PENK: variants seen among roughly 807,000 people sequenced by gnomAD.
The protein encoded by PENK is proenkephalin, also known as proenkephalin-A.
A neutral mutation model predicts 24.1 loss-of-function variants in PENK; 25 were observed. That is an observed-to-expected ratio of 1.04 (90% CI 0.76 to 1.45). The LOEUF is 1.45. Ranked by LOEUF, PENK falls within the 40% of genes most tolerant of loss-of-function variation. The probability of loss-of-function intolerance (pLI) is 0.00; values close to 1 mark genes in which losing one functional copy is unlikely to be tolerated. For missense variants in PENK, 353 were observed against 337.9 expected, an observed-to-expected ratio of 1.04 and a Z score of -0.35; for synonymous variants, 135 against 130.3, an observed-to-expected ratio of 1.04 and a Z score of -0.24.
intron 3 of PENK, among the ~76,000 whole-genome samples, chr8:56,444,614 G>A (rs1804619813): frequency 6.6e-6 from 1 of 152,210 alleles, no homozygotes; most frequent in Non-Finnish European, 1.5e-5. Flanking sequence ...TCCTATTGAA[G>A]ATGAAACATT....
intron 3 of PENK, chr8:56,445,271 G>C: frequency 5.2e-6 from 1 of 193,642 alleles, no homozygotes; most frequent in Non-Finnish European, 1.0e-5. Context: ...CCATCCCTTT[G>C]CTCTCTCCTA....
rs1420101856 is a variant in PENK, at chr8:56,445,930, G to A, written c.24C>T (p.Cys8=). The A allele has an allele frequency of 1.2e-6, 2 of 1,611,686 alleles. No individual in the cohort carries two copies. MARFLTL[C]TWLLLLGPGL... is the part of the protein sequence containing the mutation. ...CGGGGCCGAGCAACAGCAGCCAAGT[G>A]CAAAGTGTCAGGAACCGCGCCATGG... Residue 8 remains cysteine (C), a synonymous_variant, in exon 3 of 4, where the codon TGC becomes TGT. Transcript: ENST00000451791.
In PENK at chr8:56,441,269, A is replaced by G. The variant is rs1260457779; in HGVS notation, c.*3T>C. On this transcript the variant is annotated 3_prime_UTR_variant, in exon 4 of 4. Coordinates refer to ENST00000451791, the MANE Select transcript of PENK (RefSeq NM_001135690.3). The stretch of plus-strand genomic sequence containing the variant: ...GGCCTGGGGCCACTAGTGGGAAAAG[A>G]TATTAAAATCTCATAAATCCTCCGT... 2.7e-6 allele frequency: 4 copies of G among 1,488,016 alleles called. No individual in the cohort carries two copies. In the African/African-American group the frequency reaches 4.6e-5, roughly 17 times the overall value. 92.2% of individuals were successfully genotyped at this position (1,488,016 alleles called of 1,614,324 possible).
chr8:56,441,713 C>A lies in PENK; in HGVS notation c.363G>T (p.Glu121Asp), dbSNP rs145219051. The change falls in exon 4 of 4, where the codon GAG becomes GAT. Residue 121 changes from glutamate (E) to aspartate (D), a missense_variant. Physicochemically the swap from Glu to Asp is conservative, Grantham distance 45 (BLOSUM62 2). Transcript: ENST00000451791. Reference sequence around the variant, plus strand: ...CACTTCCATTGGCCTCTTCTTCTGGCTCCATGGGATAAAGCTCATCCATTT... The same window carrying A: ...CACTTCCATTGGCCTCTTCTTCTGGATCCATGGGATAAAGCTCATCCATTT... Reference protein sequence around the residue: ...MKKMDELYPMEPEEEANGSEI... With the variant: ...MKKMDELYPMDPEEEANGSEI... The A allele has an allele frequency of 5.0e-6, 8 of 1,613,544 alleles. No individual in the cohort carries two copies. The African/African-American group carries it at 9.4e-5, about 19-fold the overall frequency.
In PENK at chr8:56,442,968, C is replaced by A. The variant is rs528575680; in HGVS notation, c.139-1031G>T. On this transcript the variant is annotated intron_variant, in intron 3 of 3. Transcript: ENST00000451791. ...ACAAAACATGCATGATATTTCTTAG[C>A]ATTTCAGGAGTTTTTTACAGCCCTC... Among the ~76,000 whole-genome samples, 3 of 152,122 alleles carry A rather than the reference C, an allele frequency of 2.0e-5. No individual in the cohort carries two copies. The East Asian group carries it at 5.8e-4, about 29-fold the overall frequency.
chr8:56,445,635 G>T (rs942043198), intron 3 of PENK, 181 bp downstream of exon 3: 2 of 741,012 alleles, frequency 2.7e-6, no homozygotes, highest in South Asian at 1.6e-5. Context: ...GCCAGGGCAG[G>T]ACTTCAGTCA....
Position 56,445,831 on chromosome 8 carries a change from G to T in PENK, c.123C>A (p.Ala41=). 1 of 1,613,430 alleles carries T rather than the reference G, an allele frequency of 6.2e-7. No homozygotes were observed. Among genetic ancestry groups the T allele is most frequent in the Non-Finnish European group, 8.5e-7 (1 of 1,179,908 alleles). The change falls in exon 3 of 4, where the codon GCC becomes GCA. Residue 41 remains alanine, a synonymous_variant. Coordinates refer to ENST00000451791, the MANE Select transcript of PENK (RefSeq NM_001135690.3). ...ATCSYRLVRP[A]DINFLACVME... is the part of the protein sequence containing the mutation. ...CAACACTCACCAGGAAGTTGATGTC[G>T]GCCGGGCGCACTAGGCGGTAGCTGC... is the stretch of plus-strand genomic sequence containing the variant.
Position 56,445,518 on chromosome 8 carries a change from G to A in PENK, c.138+298C>T. ...GTGCTATCCGAGGTGCTGAACAGAG[G>A]ACTTCTCGGGGTTCCCGAATTCCCA... On this transcript the variant is annotated intron_variant, in intron 3 of 3. Transcript: ENST00000451791. 6 of 599,710 alleles carry A rather than the reference G, an allele frequency of 1.0e-5. No homozygotes were observed. In the South Asian group the frequency reaches 1.2e-4, roughly 12 times the overall value. The allele number at this position is 599,710 out of a possible 1,614,324, so 37.1% of individuals were successfully genotyped here.
In PENK at chr8:56,441,830, G is replaced by C. The variant is rs376794403; in HGVS notation, c.246C>G (p.Ser82Arg). ...SKPELPQDGT[S>R]TLRENSKPEE... ...CCGGTTTGCTATTTTCTCTGAGGGT[G>C]CTGGTGCCATCTTGAGGAAGCTCTG... Residue 82 changes from serine (S) to arginine (R), a missense_variant, in exon 4 of 4, where the codon AGC (serine) becomes AGG (arginine). Transcript: ENST00000451791. The C allele has an allele frequency of 6.2e-7, 1 of 1,614,156 alleles. No individual in the cohort carries two copies. The highest frequency in any genetic ancestry group is 1.3e-5 in the African/African-American group (1 of 75,044).
chr8:56,441,779 CCTTTTGGCTAGCAAATGG>C lies in PENK; in HGVS notation c.279_296del (p.Ser93_Lys98del), dbSNP rs1563485920. ...CATACCTTTTCATGAAGCCCCCATA[CCTTTTGGCTAGCAAATGG>C]CTTTCTTCCGGTTTGCTATTTTCTC... On this transcript the variant is annotated inframe_deletion, in exon 4 of 4. Coordinates refer to ENST00000451791, the MANE Select transcript of PENK (RefSeq NM_001135690.3). The C allele has an allele frequency of 1.9e-6, 3 of 1,613,992 alleles. No individual in the cohort carries two copies. The South Asian group carries it at 3.3e-5, about 18-fold the overall frequency.
In PENK at chr8:56,441,806, C is replaced by T. The variant is rs112775720; in HGVS notation, c.270G>A (p.Pro90=). The part of the protein sequence containing the change: ...GTSTLRENSK[P]EESHLLAKRY... Reference sequence around the variant, plus strand: ...TTTTGGCTAGCAAATGGCTTTCTTCCGGTTTGCTATTTTCTCTGAGGGTGC... The same window carrying T: ...TTTTGGCTAGCAAATGGCTTTCTTCTGGTTTGCTATTTTCTCTGAGGGTGC... The change falls in exon 4 of 4, where the codon CCG becomes CCA. Residue 90 remains proline, a synonymous_variant. Coordinates refer to ENST00000451791, the MANE Select transcript of PENK (RefSeq NM_001135690.3). 199 of 1,614,020 alleles carry T rather than the reference C, an allele frequency of 1.2e-4. No individual in the cohort carries two copies. The highest frequency in any genetic ancestry group is 1.5e-4 in the African/African-American group (11 of 74,910).
chr8:56,444,050 G>A, intron 3 of PENK: 1 of 694,922 alleles, frequency 1.4e-6, no homozygotes. Flanking sequence ...GGTGAGAGAG[G>A]GAGAGAAGTC....
chr8:56,446,293 A>G (rs762997528), intron 2 of PENK, 133 bp downstream of exon 2: 6 of 332,656 alleles, frequency 1.8e-5, no homozygotes, highest in Non-Finnish European at 2.7e-5. Flanking sequence ...GAGGCAGGAC[A>G]TTGACTGGGG....
rs1339161108 is a variant in PENK, at chr8:56,441,880, T to C, written c.196A>G (p.Lys66Glu). Residue 66 changes from lysine (K) to glutamate (E), a missense_variant, in exon 4 of 4, where the codon AAG becomes GAG. Transcript: ENST00000451791. ...LPSLKIWETC[K>E]ELLQLSKPEL... ...GGTTTGGACAGCTGCAGGAGCTCCT[T>C]GCAGGTTTCCCAAATTTTCAGAGAA... 6.2e-7 allele frequency: 1 copy of C among 1,613,950 alleles called. No individual in the cohort carries two copies. Among genetic ancestry groups the C allele is most frequent in the Admixed American group, 1.7e-5 (1 of 59,988 alleles).
At chr8:56,445,246 C>T (rs987810032) in intron 3 of PENK, 6 of 175,818 alleles carry the variant, frequency 3.4e-5, no homozygotes, top group African/African-American at 1.4e-4. Context: ...GCCTTCCTCT[C>T]CCCGTACCCC....
intron 3 of PENK, among the ~76,000 whole-genome samples, chr8:56,444,666 C>T (rs1563486925): frequency 6.6e-6 from 1 of 152,192 alleles, no homozygotes; most frequent in African/African-American, 2.4e-5. Flanking sequence ...TGTGTCTTCT[C>T]TTTAATGCCA....
At position 56,441,609 on chromosome 8, in the gene PENK, A is replaced by G. The variant is rs1193608908; in HGVS notation, c.467T>C (p.Leu156Pro). ...CCCTGTTTCCAGAAGCTCTTTTAGCAGGTCTGAGGAATTGGCCAGCGAGTC... is the reference window on the plus strand; with the variant it reads ...CCCTGTTTCCAGAAGCTCTTTTAGCGGGTCTGAGGAATTGGCCAGCGAGTC... ...EDDSLANSSDLLKELLETGDN... is the reference protein window; with the variant it reads ...EDDSLANSSDPLKELLETGDN... The change falls in exon 4 of 4, where the codon CTG becomes CCG. Residue 156 changes from leucine to proline, a missense_variant. Coordinates refer to ENST00000451791, the MANE Select transcript of PENK (RefSeq NM_001135690.3). 6.2e-7 allele frequency: 1 copy of G among 1,613,860 alleles called. No homozygotes were observed.
intron 3 of PENK, among the ~76,000 whole-genome samples, chr8:56,444,547 G>A (rs918491961): frequency 3.9e-5 from 6 of 152,202 alleles, no homozygotes; most frequent in Admixed American, 6.5e-5. Context: ...TTTAGGCATA[G>A]GTTAAAAGCT....
rs745962070 is a variant in PENK, at chr8:56,441,016, T to C, written c.*256A>G. The C allele has an allele frequency of 1.0e-5, 4 of 386,868 alleles. No homozygotes were observed. Among genetic ancestry groups the C allele is most frequent in the African/African-American group, 8.1e-5 (4 of 49,190 alleles). 24.0% of individuals were successfully genotyped at this position (386,868 alleles called of 1,614,324 possible). On this transcript the variant is annotated 3_prime_UTR_variant, in exon 4 of 4. Transcript: ENST00000451791. Reference sequence around the variant, plus strand: ...ACAAGTAAGCATTTATTGATGTTTGTCAAAAATAAGAGACAAGATAACAAA... The same window carrying C: ...ACAAGTAAGCATTTATTGATGTTTGCCAAAAATAAGAGACAAGATAACAAA...
Sources: gnomAD v4.1 joint callset for allele counts (sites outside exome capture counted in the v4.1 genomes callset) on GRCh38, gnomAD v4.1.1 for gene constraint, MANE v1.5 for transcripts, NCBI Gene and HGNC (gene_info 2026-07-23, HGNC 2026-07-21) for gene names.